MED28: variants seen among roughly 807,000 people sequenced by gnomAD.
MED28 encodes the protein mediator of RNA polymerase II transcription subunit 28.
MED28 carries 26 observed loss-of-function variants against 21.3 expected under a neutral mutation model. The ratio of observed to expected loss-of-function variants is 1.22; its 90% CI spans 0.89 to 1.69. MED28 has a LOEUF of 1.69. Ranked by LOEUF, MED28 falls within the 40% of genes most tolerant of loss-of-function variation. The pLI, the probability that MED28 is intolerant of heterozygous loss-of-function variation, is 0.00. For synonymous variants in MED28, 110 were observed against 87.6 expected, an observed-to-expected ratio of 1.26 and a Z score of -1.43; for missense variants, 257 against 215.4, an observed-to-expected ratio of 1.19 and a Z score of -1.21.
intron 1 of MED28, among the ~76,000 whole-genome samples, chr4:17,619,177 A>G (rs1577231401): frequency 6.6e-6 from 1 of 152,298 alleles, no homozygotes; most frequent in Admixed American, 6.5e-5. Flanking sequence ...TTGCTTGTGC[A>G]CAGAGCTCCT....
intron 1 of MED28, among the ~76,000 whole-genome samples, chr4:17,618,013 CTTTTTTTT>C (rs529883796): frequency 8.5e-6 from 1 of 117,918 alleles, no homozygotes; most frequent in African/African-American, 3.1e-5. Context: ...CTTTTCTTTT[CTTTTTTTT>C]TTTTTTTTGA....
chr4:17,618,008 C>CTT (rs1714502662), intron 1 of MED28, among the ~76,000 whole-genome samples: 2 of 106,590 alleles, frequency 1.9e-5, no homozygotes, highest in East Asian at 3.9e-4. Flanking sequence ...TTTTTCTTTT[C>CTT]TTTTCTTTTT....
intron 1 of MED28, among the ~76,000 whole-genome samples, chr4:17,619,199 C>T (rs921828405): frequency 3.0e-4 from 45 of 152,300 alleles, no homozygotes; most frequent in African/African-American, 1.0e-3. Context: ...GGCTGATTCA[C>T]ATTTGCATCT....
chr4:17,619,896 C>A lies in MED28; in HGVS notation c.160-5C>A. The A allele has an allele frequency of 6.2e-7, 1 of 1,613,556 alleles. No homozygotes were observed. The highest frequency in any genetic ancestry group is 8.5e-7 in the Non-Finnish European group (1 of 1,179,546). ...TTTTTTCTTTCCTATGTTTTGATTA[C>A]ACAGGCTTGCTTTGCATCTCTGGTG... On this transcript the variant is annotated splice_region_variant and splice_polypyrimidine_tract_variant and intron_variant, in intron 1 of 3. Transcript: ENST00000237380.
At position 17,621,621 on chromosome 4, in the gene MED28, T is replaced by C; in HGVS notation, c.261T>C (p.Ile87=). ...VDQCIQKFLD[I]ARQTECFFLQ... ...AGTGTATCCAGAAGTTTCTGGATAT[T>C]GCAAGACAGACAGAATGTTTTTTCT... The change falls in exon 3 of 4, where the codon ATT becomes ATC. Residue 87 remains isoleucine, a synonymous_variant. Transcript: ENST00000237380. The C allele has an allele frequency of 9.3e-6, 15 of 1,610,356 alleles. No individual in the cohort carries two copies. The highest frequency in any genetic ancestry group is 1.3e-5 in the Non-Finnish European group (15 of 1,179,210).
At chr4:17,616,617 T>C (rs1475065764) in intron 1 of MED28, among the ~76,000 whole-genome samples, 1 of 152,234 alleles carries the variant, frequency 6.6e-6, no homozygotes, top group Non-Finnish European at 1.5e-5. Flanking sequence ...TTGTTTTCTC[T>C]TTGGGCTTCC....
rs1456139319 is a variant in MED28 at position 17,633,130 on chromosome 4, C to A, written c.*9332C>A. 6.5e-6 allele frequency: 1 copy of A among 154,816 alleles called. No homozygotes were observed. The highest frequency in any genetic ancestry group is 2.4e-5 in the African/African-American group (1 of 41,458). The allele number at this position is 154,816 out of a possible 1,614,324, so 9.6% of individuals were successfully genotyped here. On this transcript the variant is annotated 3_prime_UTR_variant, in exon 4 of 4. Transcript: ENST00000237380. ...TAGAGATGGGTTTCACCATGTTGCC[C>A]AGGCTGGTCTCGAACTCCTGACCTT...
In MED28 at chr4:17,632,430, A is replaced by G; in HGVS notation, c.*8632A>G. ...GTTTTAGCTATCATATATAAATCAT[A>G]AGCATATTATTTGGTTGGTTGGTGT... On this transcript the variant is annotated 3_prime_UTR_variant, in exon 4 of 4. Transcript: ENST00000237380. The G allele has an allele frequency of 1.0e-6, 1 of 974,550 alleles. No homozygotes were observed. Among genetic ancestry groups the G allele is most frequent in the Non-Finnish European group, 1.5e-6 (1 of 657,356 alleles). The allele number at this position is 974,550 out of a possible 1,614,324, so 60.4% of individuals were successfully genotyped here.
At position 17,621,604 on chromosome 4, in the gene MED28, C is replaced by T; in HGVS notation, c.244C>T (p.Gln82Ter). The T allele has an allele frequency of 1.2e-6, 2 of 1,602,612 alleles. No homozygotes were observed. Among genetic ancestry groups the T allele is most frequent in the South Asian group, 1.2e-5 (1 of 86,298 alleles). ...TTTTTAAGGTGTTGATCAGTGTATC[C>T]AGAAGTTTCTGGATATTGCAAGACA... Reference protein sequence around the residue: ...EIRTGVDQCIQKFLDIARQTE... With the variant: ...EIRTGVDQCI The change falls in exon 3 of 4, where the codon CAG becomes TAG. Residue 82 changes from glutamine to a stop codon, truncating the protein, a stop_gained. Transcript: ENST00000237380. LOFTEE classifies it high-confidence loss of function.
rs1194779380 is a variant in MED28 at position 17,618,733 on chromosome 4, G to A, written c.160-1168G>A. ...GGGCTTCACCGTGTTAGTTAGGATG[G>A]TGACTTCGTGGATCTGCCTTCCTAG... On this transcript the variant is annotated intron_variant, in intron 1 of 3. Transcript: ENST00000237380. 4.3e-5 allele frequency among the ~76,000 whole-genome samples: 4 copies of A among 93,252 alleles called. No homozygotes were observed. In the East Asian group the frequency reaches 3.7e-3, roughly 86 times the overall value. The allele number at this position is 93,252 out of a possible 152,430, so 61.2% of individuals were successfully genotyped here.
chr4:17,619,216 G>C (rs1234063877), intron 1 of MED28, among the ~76,000 whole-genome samples: 1 of 152,070 alleles, frequency 6.6e-6, no homozygotes, highest in African/African-American at 2.4e-5. Flanking sequence ...ATCTGTATAG[G>C]TGCCCTTTAG....
At chr4:17,614,836 T>G (rs769573744) in intron 1 of MED28, 23 bp downstream of exon 1, 1 of 1,580,646 alleles carries the variant, frequency 6.3e-7, no homozygotes, top group African/African-American at 1.4e-5. Flanking sequence ...ATGGGCGTCT[T>G]TGTCCCTAGC....
chr4:17,621,706 A>G lies in MED28; in HGVS notation c.339+7A>G, dbSNP rs1172526301. 1.9e-6 allele frequency: 3 copies of G among 1,582,824 alleles called. No homozygotes were observed. The highest frequency in any genetic ancestry group is 2.7e-5 in the African/African-American group (2 of 73,948). On this transcript the variant is annotated splice_region_variant and intron_variant, in intron 3 of 3. Coordinates refer to ENST00000237380, the MANE Select transcript of MED28 (RefSeq NM_025205.5). ...AGAGCAAGTTATCAAAGAGGTATGA[A>G]CTCAGTTTTCTCCTCAGCTCTATAG...
At position 17,619,964 on chromosome 4, in the gene MED28, A is replaced by G; in HGVS notation, c.223A>G (p.Thr75Ala). Residue 75 changes from threonine to alanine, a missense_variant, in exon 2 of 4, where the codon ACC becomes GCC. Coordinates refer to ENST00000237380, the MANE Select transcript of MED28 (RefSeq NM_025205.5). ...VNGTDQEEIR[T>A]GVDQCIQKFL... Reference sequence around the variant, plus strand: ...TGGCACCGATCAGGAAGAAATTCGAACCGGTAAGCATTCCCTCTGTGTACA... The same window carrying G: ...TGGCACCGATCAGGAAGAAATTCGAGCCGGTAAGCATTCCCTCTGTGTACA... The G allele has an allele frequency of 6.2e-7, 1 of 1,613,890 alleles. No homozygotes were observed. The highest frequency in any genetic ancestry group is 8.5e-7 in the Non-Finnish European group (1 of 1,179,756).
chr4:17,623,451 G>T, intron 3 of MED28, 150 bp from the exon 4 acceptor site: 4 of 719,072 alleles, frequency 5.6e-6, no homozygotes. Flanking sequence ...TGTCATCTGG[G>T]TTAATCAAAT....
rs756027784 is a variant in MED28, at chr4:17,630,563, T to C, written c.*6765T>C. The stretch of plus-strand genomic sequence containing the variant: ...ACATATTTCTATTGTTTATAAATTA[T>C]CCAGTATAAGTAAGATATTTTGTTA... On this transcript the variant is annotated 3_prime_UTR_variant, in exon 4 of 4. Transcript: ENST00000237380. The C allele has an allele frequency of 1.3e-5, 2 of 152,210 alleles. No individual in the cohort carries two copies. The highest frequency in any genetic ancestry group is 1.9e-4 in the East Asian group (1 of 5,200). The allele number at this position is 152,210 out of a possible 1,614,324, so 9.4% of individuals were successfully genotyped here.
chr4:17,620,436 C>T (rs1294007771), intron 2 of MED28, among the ~76,000 whole-genome samples: 1 of 150,998 alleles, frequency 6.6e-6, no homozygotes, highest in Non-Finnish European at 1.5e-5. Context: ...TGGGTTCAGG[C>T]AGTTCTCTTG....
At position 17,628,536 on chromosome 4, in the gene MED28, C is replaced by T. The variant is rs1022310917; in HGVS notation, c.*4738C>T. 1 of 152,052 alleles carries T rather than the reference C, an allele frequency of 6.6e-6. No homozygotes were observed. The highest frequency in any genetic ancestry group is 2.4e-5 in the African/African-American group (1 of 41,384). The allele number at this position is 152,052 out of a possible 1,614,324, so 9.4% of individuals were successfully genotyped here. A position where few individuals can be genotyped will look rare whatever the true frequency, so the allele number is the denominator to read the frequency against. The stretch of plus-strand genomic sequence containing the variant: ...TTGTGACACCCTCTGTCTGAGAAGT[C>T]CTATGGTTCTCTGTGATGAATAGAC... On this transcript the variant is annotated 3_prime_UTR_variant, in exon 4 of 4. Coordinates refer to ENST00000237380, the MANE Select transcript of MED28 (RefSeq NM_025205.5).
chr4:17,632,408 T>A lies in MED28; in HGVS notation c.*8610T>A. 1 of 807,724 alleles carries A rather than the reference T, an allele frequency of 1.2e-6. No homozygotes were observed. Among genetic ancestry groups the A allele is most frequent in the Non-Finnish European group, 1.9e-6 (1 of 524,704 alleles). 50.0% of individuals were successfully genotyped at this position (807,724 alleles called of 1,614,324 possible). A position where few individuals can be genotyped will look rare whatever the true frequency, so the allele number is the denominator to read the frequency against. ...TGAAGTGTTAACGCCAAAATTTGTT[T>A]TAGCTATCATATATAAATCATAAGC... is the stretch of plus-strand genomic sequence containing the variant. On this transcript the variant is annotated 3_prime_UTR_variant, in exon 4 of 4. Transcript: ENST00000237380.
Sources: allele counts gnomAD v4.1 joint callset (sites outside exome capture counted in the v4.1 genomes callset), GRCh38; gene constraint gnomAD v4.1.1; transcripts MANE v1.5; gene names NCBI Gene and HGNC (gene_info 2026-07-23, HGNC 2026-07-21).